The following SOCS7 variants were observed in gnomAD, a reference collection of about 807,000 sequenced individuals.
SOCS7 encodes the protein suppressor of cytokine signaling 7.
Under a neutral mutation model 58.9 loss-of-function variants are expected in SOCS7, and 18 were observed. That is an observed-to-expected ratio of 0.31 (90% confidence interval 0.21 to 0.45). The LOEUF is 0.45. SOCS7 is among the 20% of genes least tolerant of loss of function. The pLI is 1.00. For synonymous variants in SOCS7, 388 were observed against 364.3 expected (o/e 1.06, Z -0.74); for missense variants, 667 against 837.3 (o/e 0.80, Z 2.51).
At chr17:38,367,199 G>C (rs41457544) in intron 5 of SOCS7, among the ~76,000 whole-genome samples, 7,257 of 151,832 alleles carry the variant, frequency 0.048, 203 homozygotes, top group Middle Eastern at 0.23. Flanking sequence ...TGAGTAGCTG[G>C]TATTACAGGC....
intron 7 of SOCS7, among the ~76,000 whole-genome samples, chr17:38,382,167 A>G (rs547109511): frequency 2.7e-5 from 4 of 150,488 alleles, no homozygotes; most frequent in African/African-American, 9.8e-5. Flanking sequence ...GGTGGCTCAC[A>G]TCTGTAATCC....
chr17:38,388,658 C>G (rs1003819593), intron 7 of SOCS7, among the ~76,000 whole-genome samples: 1 of 152,126 alleles, frequency 6.6e-6, no homozygotes, highest in African/African-American at 2.4e-5. Context: ...ACTCCGTATT[C>G]CCTCTACTTC....
At chr17:38,393,996 T>C (rs2038211453) in intron 7 of SOCS7, among the ~76,000 whole-genome samples, 1 of 152,276 alleles carries the variant, frequency 6.6e-6, no homozygotes, top group Non-Finnish European at 1.5e-5. Context: ...AGAATGTCTT[T>C]TGATATGACA....
At chr17:38,388,524 G>GA (rs917470701) in intron 7 of SOCS7, among the ~76,000 whole-genome samples, 4 of 150,544 alleles carry the variant, frequency 2.7e-5, no homozygotes, top group Middle Eastern at 3.4e-3. Flanking sequence ...TGTGTCTCAA[G>GA]AAAAAAAAAT....
At chr17:38,359,347 G>A (rs763771740) in intron 1 of SOCS7, among the ~76,000 whole-genome samples, 3 of 152,144 alleles carry the variant, frequency 2.0e-5, no homozygotes, top group Non-Finnish European at 2.9e-5. Flanking sequence ...CATAGTGAGC[G>A]TGATCATCAG....
chr17:38,377,621 A>G, intron 6 of SOCS7, 93 bp from the exon 7 acceptor site: 1 of 1,292,354 alleles, frequency 7.7e-7, no homozygotes, highest in Non-Finnish European at 1.0e-6. Context: ...CTGCCCTCCC[A>G]AAAGTGAGAA....
intron 1 of SOCS7, among the ~76,000 whole-genome samples, chr17:38,358,527 C>G (rs753684761): frequency 1.3e-5 from 2 of 151,944 alleles, no homozygotes; most frequent in African/African-American, 2.4e-5. Context: ...CATCTTACCC[C>G]TCCCCCAGGT....
intron 4 of SOCS7, 111 bp from the exon 5 acceptor site, chr17:38,366,176 C>T (rs1267244716): frequency 6.2e-6 from 9 of 1,444,618 alleles, no homozygotes; most frequent in Non-Finnish European, 7.4e-6. Context: ...TCCAGCTTAG[C>T]TTCTAATGCC....
intron 7 of SOCS7, among the ~76,000 whole-genome samples, chr17:38,378,197 G>A (rs1489048598): frequency 6.6e-6 from 1 of 152,174 alleles, no homozygotes; most frequent in East Asian, 1.9e-4. Context: ...CATAGGAACG[G>A]GGAAGGTAGG....
chr17:38,383,223 G>A (rs1183811251), intron 7 of SOCS7, among the ~76,000 whole-genome samples: 1 of 152,098 alleles, frequency 6.6e-6, no homozygotes, highest in African/African-American at 2.4e-5. Context: ...AGTAAAATGG[G>A]GATGATTATA....
At chr17:38,394,870 G>A (rs138037174) in intron 7 of SOCS7, among the ~76,000 whole-genome samples, 1,929 of 152,138 alleles carry the variant, frequency 0.013, 38 homozygotes, top group African/African-American at 0.044. Context: ...GGCAACATGG[G>A]GAAACCCCGT....
chr17:38,370,016 C>A (rs1016551566), intron 6 of SOCS7, among the ~76,000 whole-genome samples: 1 of 152,104 alleles, frequency 6.6e-6, no homozygotes, highest in Non-Finnish European at 1.5e-5. Flanking sequence ...TGGTCTTGAA[C>A]TCCTGACCTC....
intron 7 of SOCS7, among the ~76,000 whole-genome samples, chr17:38,393,021 T>G (rs562809658): frequency 3.3e-5 from 5 of 152,306 alleles, no homozygotes; most frequent in Non-Finnish European, 5.9e-5. Flanking sequence ...TTTTTGTTTT[T>G]TTTTTAGAGA....
Position 38,352,567 on chromosome 17 carries a change from C to G in SOCS7, c.515C>G (p.Thr172Arg). Residue 172 changes from threonine to arginine, a missense_variant, in exon 1 of 10, where the codon ACG becomes AGG. By Grantham distance (71) the Thr-to-Arg change is moderately conservative. This residue lies in a region of SOCS7 where 4 missense variants were observed against 21.6 expected (regional missense o/e 0.19). Coordinates refer to ENST00000612932, the MANE Select transcript of SOCS7 (RefSeq NM_014598.4). The surrounding 1 kb of genome is among the most constrained non-coding windows in gnomAD (Gnocchi z 5.5). ...AAAPQAGEDP[T>R]ETSDALLVLE... ...GCCCCGCAGGCCGGGGAGGACCCCA[C>G]GGAAACGAGCGACGCGCTGCTGGTC... The G allele has an allele frequency of 6.5e-7, 1 of 1,549,808 alleles. No individual in the cohort carries two copies. Among genetic ancestry groups the G allele is most frequent in the Non-Finnish European group, 8.7e-7 (1 of 1,146,732 alleles).
chr17:38,352,626 G>A lies in SOCS7; in HGVS notation c.574G>A (p.Glu192Lys). Reference protein sequence around the residue: ...EGLESEAESLETNSCSEEELS... With the variant: ...EGLESEAESLKTNSCSEEELS... ...CTTGGAATCGGAGGCCGAGAGCCTG[G>A]AGACTAACAGCTGCTCGGAAGAGGA... The change falls in exon 1 of 10, where the codon GAG (glutamate) becomes AAG (lysine). Residue 192 changes from glutamate to lysine, a missense_variant. Physicochemically the swap from Glu to Lys is moderately conservative, Grantham distance 56. Transcript: ENST00000612932. This position sits in a 1 kb window ranked among gnomAD's most constrained non-coding sequence, Gnocchi z 5.5. 1 of 1,550,110 alleles carries A rather than the reference G, an allele frequency of 6.5e-7. No individual in the cohort carries two copies. The highest frequency in any genetic ancestry group is 8.7e-7 in the Non-Finnish European group (1 of 1,146,872).
At chr17:38,371,918 T>C (rs2037873365) in intron 6 of SOCS7, among the ~76,000 whole-genome samples, 1 of 151,966 alleles carries the variant, frequency 6.6e-6, no homozygotes, top group Non-Finnish European at 1.5e-5. Flanking sequence ...TATGTTGGCG[T>C]GGGGTTTTAA....
intron 7 of SOCS7, among the ~76,000 whole-genome samples, chr17:38,382,779 G>A (rs554222178): frequency 3.3e-5 from 5 of 152,092 alleles, no homozygotes; most frequent in East Asian, 1.9e-4. Flanking sequence ...GAGCCACCAC[G>A]CTTGGCGGAA....
rs1416822535 is a variant in SOCS7 at position 38,404,962 on chromosome 17, C to T, written c.*5480C>T. 2 of 152,138 alleles carry T rather than the reference C, an allele frequency of 1.3e-5. No homozygotes were observed. The highest frequency in any genetic ancestry group is 4.8e-5 in the African/African-American group (2 of 41,434). The allele number at this position is 152,138 out of a possible 1,614,324, so 9.4% of individuals were successfully genotyped here. A position where few individuals can be genotyped will look rare whatever the true frequency, so the allele number is the denominator to read the frequency against. ...AAACTCGATGAAGAGGGGTGTCATT[C>T]TGGGCTCGGGGTGGTTGCCAATTTT... is the stretch of plus-strand genomic sequence containing the variant. On this transcript the variant is annotated 3_prime_UTR_variant, in exon 10 of 10. Coordinates refer to ENST00000612932, the MANE Select transcript of SOCS7 (RefSeq NM_014598.4).
chr17:38,384,403 C>T (rs2038041079), intron 7 of SOCS7, among the ~76,000 whole-genome samples: 1 of 152,092 alleles, frequency 6.6e-6, no homozygotes, highest in African/African-American at 2.4e-5. Context: ...AGTGATCCTC[C>T]CACCTCAGCC....
Sources: allele counts gnomAD v4.1 joint callset (sites outside exome capture counted in the v4.1 genomes callset), GRCh38; gene constraint gnomAD v4.1.1; regional missense constraint gnomAD v4.1.1; non-coding constraint Gnocchi (gnomAD v3.1); transcripts MANE v1.5; gene names NCBI Gene and HGNC (gene_info 2026-07-23, HGNC 2026-07-21).